The following EPHB1 variants were observed in gnomAD, a reference collection of about 807,000 sequenced individuals.
EPHB1 encodes EPH receptor B1.
A neutral mutation model predicts 94.4 loss-of-function variants in EPHB1; 30 were observed. That is an observed-to-expected ratio of 0.32 (90% CI 0.24 to 0.43). The LOEUF (loss-of-function observed/expected upper bound fraction) is 0.43. EPHB1 is among the 20% of genes least tolerant of loss of function. The probability of loss-of-function intolerance (pLI) is 1.00; values close to 1 mark genes in which losing one functional copy is unlikely to be tolerated. For missense variants in EPHB1, 1,055 were observed against 1,308.3 expected, an observed-to-expected ratio of 0.81 and a Z score of 2.99; for synonymous variants, 522 against 489.1, an observed-to-expected ratio of 1.07 and a Z score of -0.89.
intron 1 of EPHB1, among the ~76,000 whole-genome samples, chr3:134,856,907 T>C (rs1442480739): frequency 6.6e-6 from 1 of 152,202 alleles, no homozygotes; most frequent in African/African-American, 2.4e-5. Flanking sequence ...AGGAGGAAGG[T>C]TGTAAAAAAG....
chr3:134,945,620 C>T (rs2039203202), intron 2 of EPHB1, among the ~76,000 whole-genome samples: 1 of 152,196 alleles, frequency 6.6e-6, no homozygotes, highest in Non-Finnish European at 1.5e-5. Context: ...CTTTTTCCCA[C>T]CTTCTTACCA....
At chr3:135,175,858 G>C (rs898425372) in intron 9 of EPHB1, among the ~76,000 whole-genome samples, 1 of 152,164 alleles carries the variant, frequency 6.6e-6, no homozygotes, top group Non-Finnish European at 1.5e-5. Context: ...GGCTGTGCCT[G>C]ACTCTGTAGC....
chr3:134,846,289 G>T (rs1480313875), intron 1 of EPHB1, among the ~76,000 whole-genome samples: 1 of 152,164 alleles, frequency 6.6e-6, no homozygotes, highest in East Asian at 1.9e-4. Flanking sequence ...CCGAACAGAA[G>T]CCAATTATGA....
chr3:134,858,266 C>T (rs1455381755), intron 1 of EPHB1, among the ~76,000 whole-genome samples: 2 of 151,982 alleles, frequency 1.3e-5, no homozygotes, highest in Non-Finnish European at 2.9e-5. Flanking sequence ...CCCCAGAAGC[C>T]TATTCTATTA....
chr3:134,977,819 C>T (rs181813055), intron 3 of EPHB1: 144 of 354,418 alleles, frequency 4.1e-4, no homozygotes, highest in East Asian at 1.3e-3. Flanking sequence ...AGAGGCCTGA[C>T]CCCAGGAGAT....
chr3:135,082,668 G>T (rs1938204659), intron 3 of EPHB1, among the ~76,000 whole-genome samples: 1 of 152,228 alleles, frequency 6.6e-6, no homozygotes. Flanking sequence ...CAGGTTTAGA[G>T]ATGGGAGAGA....
At chr3:134,891,307 A>C (rs1419792268) in intron 1 of EPHB1, among the ~76,000 whole-genome samples, 1 of 152,146 alleles carries the variant, frequency 6.6e-6, no homozygotes, top group East Asian at 1.9e-4. Context: ...ACAGGGTTTC[A>C]CTATGTTGCC....
chr3:135,210,287 G>A, intron 12 of EPHB1, among the ~76,000 whole-genome samples: 1 of 152,128 alleles, frequency 6.6e-6, no homozygotes, highest in East Asian at 1.9e-4. Context: ...AATTCTGAGA[G>A]ACACTTGTTT....
intron 1 of EPHB1, among the ~76,000 whole-genome samples, chr3:134,837,672 C>G (rs2036697488): frequency 6.6e-6 from 1 of 152,174 alleles, no homozygotes; most frequent in Non-Finnish European, 1.5e-5. Flanking sequence ...TTGCTCATAT[C>G]TAGAAAGGCA....
At chr3:135,088,689 G>T (rs1209646130) in intron 3 of EPHB1, among the ~76,000 whole-genome samples, 1 of 152,162 alleles carries the variant, frequency 6.6e-6, no homozygotes, top group Non-Finnish European at 1.5e-5. Flanking sequence ...CTTTCTCCCA[G>T]AAGTCACATA....
intron 3 of EPHB1, among the ~76,000 whole-genome samples, chr3:134,959,966 CTTT>C (rs61369813): frequency 8.4e-5 from 9 of 107,388 alleles, no homozygotes; most frequent in Non-Finnish European, 1.5e-4. Context: ...ACATCTGCAC[CTTT>C]TTTTTTTTTT....
At chr3:135,112,356 T>G (rs901519539) in intron 4 of EPHB1, among the ~76,000 whole-genome samples, 2 of 152,204 alleles carry the variant, frequency 1.3e-5, no homozygotes, top group Non-Finnish European at 2.9e-5. Context: ...GACTGCTTGC[T>G]TGTCTGCATG....
rs139356529 is a variant in EPHB1 at position 135,090,653 on chromosome 3, C to A, written c.806-15795C>A. ...TCCATGACCTTGGACAGGCCACTTT[C>A]CTCTAAATAATCTGCTTAGGGAGGT... is the stretch of plus-strand genomic sequence containing the variant. On this transcript the variant is annotated intron_variant, in intron 3 of 15. Transcript: ENST00000398015. Among the ~76,000 whole-genome samples the A allele has an allele frequency of 7.9e-5, 12 of 152,310 alleles. 1 individual carries two copies. In the East Asian group the frequency reaches 1.7e-3, roughly 22 times the overall value.
intron 5 of EPHB1, among the ~76,000 whole-genome samples, chr3:135,134,644 T>C (rs1940549674): frequency 6.6e-6 from 1 of 152,230 alleles, no homozygotes; most frequent in African/African-American, 2.4e-5. Context: ...TGTGACATTT[T>C]GTCTTACCCA....
chr3:134,862,942 G>A (rs111237776), intron 1 of EPHB1, among the ~76,000 whole-genome samples: 3 of 152,144 alleles, frequency 2.0e-5, no homozygotes, highest in African/African-American at 4.8e-5. Flanking sequence ...TGGAATTTGG[G>A]GCCATCCTCA....
chr3:134,976,209 G>A (rs1336225914), intron 3 of EPHB1, among the ~76,000 whole-genome samples: 1 of 152,206 alleles, frequency 6.6e-6, no homozygotes, highest in Non-Finnish European at 1.5e-5. Flanking sequence ...AGATCTATGG[G>A]AGCAGCTAGG....
intron 3 of EPHB1, among the ~76,000 whole-genome samples, chr3:134,988,132 T>G (rs1252053649): frequency 6.6e-6 from 1 of 152,140 alleles, no homozygotes; most frequent in Admixed American, 6.5e-5. Context: ...AGGCCTTATG[T>G]TGAGATGGGA....
intron 4 of EPHB1, among the ~76,000 whole-genome samples, chr3:135,113,034 G>A (rs564357455): frequency 6.6e-6 from 1 of 152,190 alleles, no homozygotes; most frequent in African/African-American, 2.4e-5. Flanking sequence ...CATGTTGCCC[G>A]TTAAAAAATA....
At chr3:134,823,739 A>T (rs2036424595) in intron 1 of EPHB1, 1 of 152,252 alleles carries the variant, frequency 6.6e-6, no homozygotes, top group Admixed American at 6.5e-5. Context: ...ACACGGGAAG[A>T]TCCATGCTGA....
Sources: allele counts gnomAD v4.1 joint callset (sites outside exome capture counted in the v4.1 genomes callset), GRCh38; gene constraint gnomAD v4.1.1; transcripts MANE v1.5; gene names NCBI Gene and HGNC (gene_info 2026-07-23, HGNC 2026-07-21).